The following SUMF1 variants were observed in gnomAD, a reference collection of about 807,000 sequenced individuals.
The protein encoded by SUMF1 is sulfatase modifying factor 1.
A neutral mutation model predicts 47.6 loss-of-function variants in SUMF1; 48 were observed. The observed-to-expected ratio is 1.01, with a 90% confidence interval of 0.80 to 1.28. The LOEUF is 1.28. Among genes scored for constraint, SUMF1 ranks in the 50% most tolerant of loss-of-function variants. The pLI is 0.00. For synonymous variants in SUMF1, 230 were observed against 192.1 expected (o/e 1.20, Z -1.63); for missense variants, 571 against 485.4 (o/e 1.18, Z -1.66).
chr3:4,389,435 TAGATTTCTTC>T (rs1176241318), intron 7 of SUMF1, among the ~76,000 whole-genome samples: 2 of 152,156 alleles, frequency 1.3e-5, no homozygotes, highest in Non-Finnish European at 2.9e-5. Context: ...TGTCTTCTTG[TAGATTTCTTC>T]AGAATTACCC....
Position 4,272,025 on chromosome 3 carries a change from T to C in SUMF1, c.1014+104305A>G, listed in dbSNP as rs533653261. Among the ~76,000 whole-genome samples the C allele has an allele frequency of 2.1e-4, 32 of 152,328 alleles. 1 individual carries two copies. The highest frequency in any genetic ancestry group is 1.9e-4 in the East Asian group (1 of 5,180). On this transcript the variant is annotated intron_variant and NMD_transcript_variant, in intron 8 of 12. Transcript: ENST00000448413. Reference sequence around the variant, plus strand: ...TTAAATTCTTCTTTATCTCACTACATGACTGCCCTCTCTTGGTAGATACTG... The same window carrying C: ...TTAAATTCTTCTTTATCTCACTACACGACTGCCCTCTCTTGGTAGATACTG...
intron 8 of SUMF1, among the ~76,000 whole-genome samples, chr3:4,239,302 T>C (rs1198301134): frequency 6.6e-6 from 1 of 152,158 alleles, no homozygotes; most frequent in Non-Finnish European, 1.5e-5. Context: ...ATTTTCTAAA[T>C]CTGTAAAGAA....
chr3:4,167,839 G>A (rs538738556), intron 8 of SUMF1, among the ~76,000 whole-genome samples: 1 of 152,272 alleles, frequency 6.6e-6, no homozygotes, highest in Admixed American at 6.5e-5. Flanking sequence ...TTTAGATACA[G>A]GAGGAAGATA....
At chr3:4,335,967 A>AACAAAAAAAAAC (rs1373735525) in intron 8 of SUMF1, among the ~76,000 whole-genome samples, 3 of 143,998 alleles carry the variant, frequency 2.1e-5, no homozygotes, top group African/African-American at 8.1e-5. Context: ...ACTCAAAAAA[A>AACAAAAAAAAAC]AAAAAAAAAA....
At chr3:4,256,711 T>C (rs1696961915) in intron 8 of SUMF1, among the ~76,000 whole-genome samples, 1 of 152,188 alleles carries the variant, frequency 6.6e-6, no homozygotes, top group South Asian at 2.1e-4. Context: ...GTACCATTCC[T>C]TCTGAAACTA....
Position 4,142,936 on chromosome 3 carries a change from A to C in SUMF1, c.1015-74191T>G, listed in dbSNP as rs368572746. 7.9e-5 allele frequency among the ~76,000 whole-genome samples: 12 copies of C among 152,238 alleles called. 2 individuals are homozygous for C. The highest frequency in any genetic ancestry group is 6.5e-5 in the Admixed American group (1 of 15,274). On this transcript the variant is annotated intron_variant and NMD_transcript_variant, in intron 8 of 12. Transcript: ENST00000448413. ...GAGAAGGTAGTATTTTCCAATATCC[A>C]GTCCCAAGAAGAACTCAGAGACTCA...
chr3:4,314,813 T>G (rs1698571343), intron 8 of SUMF1, among the ~76,000 whole-genome samples: 1 of 152,340 alleles, frequency 6.6e-6, no homozygotes. Flanking sequence ...TTTTGAAAGC[T>G]AAAATAATTA....
chr3:4,382,970 G>A (rs1205546101), intron 7 of SUMF1, among the ~76,000 whole-genome samples: 2 of 152,096 alleles, frequency 1.3e-5, no homozygotes, highest in East Asian at 3.9e-4. Context: ...ACCTAATGTA[G>A]GTGACGGGTT....
chr3:4,288,827 C>CA (rs1359978618), intron 8 of SUMF1, among the ~76,000 whole-genome samples: 1 of 151,552 alleles, frequency 6.6e-6, no homozygotes, highest in Non-Finnish European at 1.5e-5. Context: ...ATTGAACCTA[C>CA]AAAGCCCTCC....
intron 8 of SUMF1, among the ~76,000 whole-genome samples, chr3:4,071,230 C>T (rs960670989): frequency 9.2e-5 from 14 of 152,038 alleles, no homozygotes; most frequent in African/African-American, 1.4e-4. Flanking sequence ...CCAGCGAGAT[C>T]GACACAGAAG....
chr3:4,151,537 A>ATATATATACGTATATATGTATATATGTG lies in SUMF1; in HGVS notation c.1015-82793_1015-82792insCACATATATACATATATACGTATATATA, dbSNP rs1694333164. ...TATACGTATATATGTATATATGTGTATATATATGTGTGTGTATATACACAC... is the reference window on the plus strand; with the variant it reads ...TATACGTATATATGTATATATGTGTATATATATACGTATATATGTATATATGTGTATATATGTGTGTGTATATACACAC... On this transcript the variant is annotated intron_variant and NMD_transcript_variant, in intron 8 of 12. Coordinates refer to the SUMF1 transcript ENST00000448413. 1.6e-5 allele frequency among the ~76,000 whole-genome samples: 2 copies of ATATATATACGTATATATGTATATATGTG among 125,260 alleles called. 1 individual carries two copies. The highest frequency in any genetic ancestry group is 6.1e-5 in the African/African-American group (2 of 32,754). The allele number at this position is 125,260 out of a possible 152,430, so 82.2% of individuals were successfully genotyped here.
chr3:4,385,657 A>C (rs897968710), intron 7 of SUMF1, among the ~76,000 whole-genome samples: 1 of 152,116 alleles, frequency 6.6e-6, no homozygotes, highest in Non-Finnish European at 1.5e-5. Flanking sequence ...ATTTTTCCAT[A>C]TGTGGGTGAT....
intron 8 of SUMF1, among the ~76,000 whole-genome samples, chr3:4,289,769 C>T (rs540670827): frequency 6.6e-5 from 10 of 150,732 alleles, no homozygotes; most frequent in South Asian, 2.1e-4. Flanking sequence ...GTAAACTAAA[C>T]GACCATTTAA....
chr3:4,433,918 G>T (rs972237126), intron 3 of SUMF1, among the ~76,000 whole-genome samples: 1 of 152,230 alleles, frequency 6.6e-6, no homozygotes, highest in African/African-American at 2.4e-5. Flanking sequence ...CAGGTCAAGA[G>T]ATATGTCACC....
intron 8 of SUMF1, among the ~76,000 whole-genome samples, chr3:4,371,052 C>T (rs937275064): frequency 6.6e-6 from 1 of 152,226 alleles, no homozygotes; most frequent in Non-Finnish European, 1.5e-5. Flanking sequence ...ATTTCAAATG[C>T]ACTCATTCAC....
chr3:4,038,807 C>T (rs1694852508), intron 9 of SUMF1, among the ~76,000 whole-genome samples: 1 of 152,116 alleles, frequency 6.6e-6, no homozygotes, highest in African/African-American at 2.4e-5. Flanking sequence ...AACTCCAGAC[C>T]ACTACCACTG....
intron 3 of SUMF1, among the ~76,000 whole-genome samples, chr3:4,429,852 C>G (rs1028522799): frequency 1.3e-5 from 2 of 152,196 alleles, no homozygotes; most frequent in South Asian, 4.1e-4. Context: ...CCTGGCACAT[C>G]TCATCTCACC....
intron 7 of SUMF1, among the ~76,000 whole-genome samples, chr3:4,379,124 A>G (rs1700419273): frequency 6.6e-6 from 1 of 152,232 alleles, no homozygotes; most frequent in Non-Finnish European, 1.5e-5. Context: ...ATGATAATTA[A>G]CTAAAACTGT....
At chr3:4,437,320 A>G (rs1455380392) in intron 3 of SUMF1, among the ~76,000 whole-genome samples, 1 of 152,246 alleles carries the variant, frequency 6.6e-6, no homozygotes, top group Non-Finnish European at 1.5e-5. Flanking sequence ...TTAATGGAAT[A>G]ATAAATGTTA....
Sources: allele counts gnomAD v4.1 joint callset (sites outside exome capture counted in the v4.1 genomes callset), GRCh38; gene constraint gnomAD v4.1.1; transcripts MANE v1.5; gene names NCBI Gene and HGNC (gene_info 2026-07-23, HGNC 2026-07-21).